The following PARD3B variants were observed in gnomAD, a reference collection of about 807,000 sequenced individuals.
The protein encoded by PARD3B is par-3 family cell polarity regulator beta.
In PARD3B, 103 loss-of-function variants were observed where a neutral mutation model predicts 130.2. The observed-to-expected ratio is 0.79, with a 90% confidence interval of 0.67 to 0.93. The LOEUF (loss-of-function observed/expected upper bound fraction) is 0.93, where lower values mean the gene tolerates loss of function less well. PARD3B is among the 40% of genes least tolerant of loss of function. The pLI is 0.00. For missense variants in PARD3B, 1,609 were observed against 1,499.2 expected, an observed-to-expected ratio of 1.07 and a Z score of -1.21; for synonymous variants, 583 against 553.2, an observed-to-expected ratio of 1.05 and a Z score of -0.76.
intron 2 of PARD3B, among the ~76,000 whole-genome samples, chr2:204,782,386 CATAT>C (rs1413827934): frequency 6.6e-6 from 1 of 151,362 alleles, no homozygotes; most frequent in African/African-American, 2.4e-5. Flanking sequence ...ATATGTATTA[CATAT>C]GTTATATATT....
At chr2:204,985,585 T>C (rs1410310153) in intron 3 of PARD3B, among the ~76,000 whole-genome samples, 1 of 152,146 alleles carries the variant, frequency 6.6e-6, no homozygotes, top group African/African-American at 2.4e-5. Flanking sequence ...ACAGAGGGTC[T>C]TACTGAAACC....
intron 2 of PARD3B, among the ~76,000 whole-genome samples, chr2:204,806,621 C>T (rs1408504393): frequency 2.6e-5 from 4 of 151,998 alleles, no homozygotes; most frequent in Non-Finnish European, 5.9e-5. Flanking sequence ...CAAGCACAGG[C>T]AACCAAAGCA....
At chr2:205,454,980 T>C (rs1039640562) in intron 20 of PARD3B, among the ~76,000 whole-genome samples, 9 of 152,132 alleles carry the variant, frequency 5.9e-5, no homozygotes, top group African/African-American at 2.2e-4. Context: ...TGATATTATA[T>C]ACAACATTTA....
intron 1 of PARD3B, among the ~76,000 whole-genome samples, chr2:204,684,793 C>G (rs2037001024): frequency 6.6e-6 from 1 of 152,170 alleles, no homozygotes; most frequent in South Asian, 2.1e-4. Context: ...CCTAGTAAAT[C>G]ATTGGTGTTT....
chr2:204,895,014 A>G (rs2046590402), intron 2 of PARD3B, among the ~76,000 whole-genome samples: 1 of 151,670 alleles, frequency 6.6e-6, no homozygotes, highest in Non-Finnish European at 1.5e-5. Flanking sequence ...GACTATAGTA[A>G]TAGATTTTTT....
chr2:205,524,742 T>A (rs571121989), intron 21 of PARD3B, among the ~76,000 whole-genome samples: 24 of 152,302 alleles, frequency 1.6e-4, no homozygotes, highest in Admixed American at 7.2e-4. Context: ...ATCAGTCTCA[T>A]AACCTCTCCT....
intron 2 of PARD3B, among the ~76,000 whole-genome samples, chr2:204,840,369 A>G (rs2125586338): frequency 6.6e-6 from 1 of 152,292 alleles, no homozygotes; most frequent in African/African-American, 2.4e-5. Context: ...CATAAAATTA[A>G]TAGAAAGTGG....
intron 2 of PARD3B, among the ~76,000 whole-genome samples, chr2:204,737,229 G>T (rs2039798771): frequency 6.6e-6 from 1 of 152,208 alleles, no homozygotes; most frequent in Admixed American, 6.5e-5. Context: ...CTCCCAAAGT[G>T]CTGGGATTAC....
rs1464118579 is a variant in PARD3B at position 205,118,947 on chromosome 2, T to C, written c.707T>C (p.Ile236Thr). The C allele has an allele frequency of 3.7e-6, 6 of 1,607,802 alleles. No homozygotes were observed. The highest frequency in any genetic ancestry group is 1.3e-5 in the African/African-American group (1 of 74,654). Residue 236 changes from isoleucine to threonine, a missense_variant, in exon 7 of 23, where the codon ATT becomes ACT. Ile to Thr is a moderately conservative substitution (Grantham distance 89). Coordinates refer to ENST00000406610, the MANE Select transcript of PARD3B (RefSeq NM_001302769.2). Reference protein sequence around the residue: ...GRILGLFIRGIEDNSRSKREG... With the variant: ...GRILGLFIRGTEDNSRSKREG... Reference sequence around the variant, plus strand: ...ATTCTAGGACTCTTCATCCGAGGCATTGAAGACAACAGCAGGTCCAAGCGG... The same window carrying C: ...ATTCTAGGACTCTTCATCCGAGGCACTGAAGACAACAGCAGGTCCAAGCGG...
In PARD3B at chr2:204,799,117, C is replaced by T. The variant is rs1196437642; in HGVS notation, c.222+112835C>T. 6.6e-6 allele frequency among the ~76,000 whole-genome samples: 1 copy of T among 152,090 alleles called. No homozygotes were observed. The highest frequency in any genetic ancestry group is 1.5e-5 in the Non-Finnish European group (1 of 68,012). On this transcript the variant is annotated intron_variant, in intron 2 of 22. Transcript: ENST00000406610. This position sits in a 1 kb window ranked among gnomAD's most constrained non-coding sequence, Gnocchi z 4.1. ...CTCCTGGACATTATTTTTGGACCTG[C>T]TATGGGCCAGACGGGAGCCCACTAC...
chr2:205,506,101 G>A (rs2050352839), intron 21 of PARD3B, among the ~76,000 whole-genome samples: 1 of 152,174 alleles, frequency 6.6e-6, no homozygotes, highest in African/African-American at 2.4e-5. Flanking sequence ...TTGGGAGGCT[G>A]AGGAAGGTGG....
intron 18 of PARD3B, among the ~76,000 whole-genome samples, chr2:205,302,063 T>TGC (rs2042024996): frequency 1.0e-5 from 1 of 99,238 alleles, no homozygotes; most frequent in Non-Finnish European, 2.0e-5. Flanking sequence ...CTTTTTTCTT[T>TGC]TCTTTTTTTT....
At chr2:204,825,154 T>C (rs1208167774) in intron 2 of PARD3B, among the ~76,000 whole-genome samples, 1 of 152,226 alleles carries the variant, frequency 6.6e-6, no homozygotes. Context: ...TACTGTCATA[T>C]ATGATCTAGC....
chr2:205,159,175 G>C (rs540977932), intron 11 of PARD3B, among the ~76,000 whole-genome samples: 1 of 152,218 alleles, frequency 6.6e-6, no homozygotes, highest in South Asian at 2.1e-4. Context: ...ACTGCAATAG[G>C]ATTCCTCTGG....
At chr2:205,302,265 G>A (rs904792393) in intron 18 of PARD3B, among the ~76,000 whole-genome samples, 17 of 151,428 alleles carry the variant, frequency 1.1e-4, no homozygotes, top group Non-Finnish European at 2.2e-4. Flanking sequence ...GTGGAGTTTC[G>A]CCATGTGGGC....
chr2:205,523,209 A>ATGTGTGTG (rs36030743), intron 21 of PARD3B, among the ~76,000 whole-genome samples: 1,756 of 141,372 alleles, frequency 0.012, 38 homozygotes, highest in African/African-American at 0.043. Context: ...CGTGTACTAT[A>ATGTGTGTG]TGTGTGTGTG....
chr2:205,615,452 C>T lies in PARD3B; in HGVS notation c.3261-4C>T. On this transcript the variant is annotated splice_polypyrimidine_tract_variant and splice_region_variant and intron_variant, in intron 22 of 22. Transcript: ENST00000406610. ...CTAACATGTGTCTCTTCTTCTCTTT[C>T]CAGGGGAGGACCCGCAGATCCTGTA... 4 of 1,583,884 alleles carry T rather than the reference C, an allele frequency of 2.5e-6. No individual in the cohort carries two copies. Among genetic ancestry groups the T allele is most frequent in the Non-Finnish European group, 3.4e-6 (4 of 1,164,982 alleles).
rs1449611127 is a variant in PARD3B, at chr2:205,525,730, T to TACTC, written c.3180+25702_3180+25705dup. Among the ~76,000 whole-genome samples the TACTC allele has an allele frequency of 6.6e-6, 1 of 152,160 alleles. No homozygotes were observed. The highest frequency in any genetic ancestry group is 2.4e-5 in the African/African-American group (1 of 41,452). On this transcript the variant is annotated intron_variant, in intron 21 of 22. Coordinates refer to ENST00000406610, the MANE Select transcript of PARD3B (RefSeq NM_001302769.2). The surrounding 1 kb of genome is among the most constrained non-coding windows in gnomAD (Gnocchi z 4.2). ...CTTATCCTTTCTCACACTGAACTAA[T>TACTC]ACTCACCCTTCATTTTGGTGACAAG... is the stretch of plus-strand genomic sequence containing the variant.
At chr2:205,609,606 T>C (rs1331305084) in intron 22 of PARD3B, among the ~76,000 whole-genome samples, 1 of 152,240 alleles carries the variant, frequency 6.6e-6, no homozygotes, top group South Asian at 2.1e-4. Context: ...TAGTATTTTA[T>C]AGAAATTAAG....
Sources: allele counts gnomAD v4.1 joint callset (sites outside exome capture counted in the v4.1 genomes callset), GRCh38; gene constraint gnomAD v4.1.1; non-coding constraint Gnocchi (gnomAD v3.1); transcripts MANE v1.5; gene names NCBI Gene and HGNC (gene_info 2026-07-23, HGNC 2026-07-21).